Variants in SP140L observed in about 807,000 individuals in gnomAD.
SP140L encodes SP140 like nuclear body protein.
Under a neutral mutation model 84.3 loss-of-function variants are expected in SP140L, and 64 were observed. The ratio of observed to expected loss-of-function variants is 0.76; its 90% confidence interval spans 0.62 to 0.94. The LOEUF is 0.94. Among genes scored for constraint, SP140L ranks in the 40% least tolerant of loss-of-function variants. SP140L has a pLI of 0.00. For missense variants in SP140L, 628 were observed against 692.5 expected (o/e 0.91, Z 1.05); for synonymous variants, 242 against 236.9 (o/e 1.02, Z -0.20).
intron 8 of SP140L, among the ~76,000 whole-genome samples, chr2:230,384,869 G>T (rs2061521880): frequency 6.6e-6 from 1 of 152,124 alleles, no homozygotes; most frequent in Non-Finnish European, 1.5e-5. Context: ...TCAAAATTGT[G>T]CCACTGCACT....
rs555601832 is a variant in SP140L at position 230,381,483 on chromosome 2, T to C, written c.638-2027T>C. On this transcript the variant is annotated intron_variant, in intron 7 of 18. Coordinates refer to ENST00000415673, the MANE Select transcript of SP140L (RefSeq NM_138402.6). ...TTTTTGCTTCTGGCAAATTTCCTCA[T>C]GAAGACACTACCCCATCAGCCACTC... 3.9e-5 allele frequency among the ~76,000 whole-genome samples: 6 copies of C among 152,318 alleles called. No individual in the cohort carries two copies. The South Asian group carries it at 1.0e-3, about 26-fold the overall frequency.
At chr2:230,392,854 T>G (rs1469183301) in intron 12 of SP140L, among the ~76,000 whole-genome samples, 8 of 152,198 alleles carry the variant, frequency 5.3e-5, no homozygotes, top group Non-Finnish European at 2.9e-5. Context: ...CTAGAATGCT[T>G]AGCTCAAATG....
At position 230,403,062 on chromosome 2, in the gene SP140L, C is replaced by A; in HGVS notation, c.*166C>A. ...AAAAGAAATTTGATCATCATGAATC[C>A]CATCCCCAAGAATCTCATCAACCAG... On this transcript the variant is annotated 3_prime_UTR_variant, in exon 19 of 19. Transcript: ENST00000415673. The A allele has an allele frequency of 1.7e-6, 1 of 574,290 alleles. No individual in the cohort carries two copies. Among genetic ancestry groups the A allele is most frequent in the South Asian group, 2.3e-5 (1 of 42,930 alleles). The allele number at this position is 574,290 out of a possible 1,614,324, so 35.6% of individuals were successfully genotyped here.
At chr2:230,357,518 A>T (rs550687358) in intron 2 of SP140L, among the ~76,000 whole-genome samples, 1 of 152,294 alleles carries the variant, frequency 6.6e-6, no homozygotes, top group Admixed American at 6.5e-5. Context: ...TTTATTTTGA[A>T]AAATATTCCA....
At chr2:230,395,905 A>C (rs183791808) in intron 13 of SP140L, among the ~76,000 whole-genome samples, 2 of 152,372 alleles carry the variant, frequency 1.3e-5, no homozygotes, top group Admixed American at 1.3e-4. Context: ...GGAGACTCTC[A>C]GGAAGAAGAG....
chr2:230,385,600 G>T (rs2061549783), intron 9 of SP140L, among the ~76,000 whole-genome samples: 1 of 152,152 alleles, frequency 6.6e-6, no homozygotes, highest in Admixed American at 6.5e-5. Flanking sequence ...CTGGTAAATT[G>T]TAAGCAGAAT....
At chr2:230,340,972 G>A (rs2060024587) in intron 2 of SP140L, among the ~76,000 whole-genome samples, 1 of 138,992 alleles carries the variant, frequency 7.2e-6, no homozygotes, top group Non-Finnish European at 1.6e-5. Context: ...TATGTGTCTT[G>A]GAGTTGCTCT....
intron 2 of SP140L, among the ~76,000 whole-genome samples, chr2:230,355,097 C>T (rs1200188225): frequency 6.6e-6 from 1 of 152,044 alleles, no homozygotes; most frequent in East Asian, 1.9e-4. Context: ...CGTATTTAAA[C>T]TCCTGACCAG....
chr2:230,401,380 C>T lies in SP140L; in HGVS notation c.1437C>T (p.Leu479=). 1 of 1,583,008 alleles carries T rather than the reference C, an allele frequency of 6.3e-7. No individual in the cohort carries two copies. Among genetic ancestry groups the T allele is most frequent in the Non-Finnish European group, 8.6e-7 (1 of 1,166,868 alleles). ...TTCTTTTGCAGAAATGTGAGTTCCT[C>T]CTCTTGAAAGTCTATTGCTGTTCTG... ...CPEEQLKCEF[L]LLKVYCCSES... The change falls in exon 17 of 19, where the codon CTC becomes CTT. Residue 479 remains leucine (L), a synonymous_variant. Coordinates refer to ENST00000415673, the MANE Select transcript of SP140L (RefSeq NM_138402.6).
chr2:230,375,829 G>A (rs2061225889), intron 7 of SP140L, among the ~76,000 whole-genome samples: 1 of 152,002 alleles, frequency 6.6e-6, no homozygotes, highest in Non-Finnish European at 1.5e-5. Flanking sequence ...CAAATACATG[G>A]TTTGCAAATA....
chr2:230,339,147 G>A (rs1279224191), intron 2 of SP140L, among the ~76,000 whole-genome samples: 2 of 151,034 alleles, frequency 1.3e-5, no homozygotes, highest in African/African-American at 4.9e-5. Flanking sequence ...TGGTTGGTAA[G>A]CTATTGATTA....
intron 3 of SP140L, 87 bp downstream of exon 3, chr2:230,358,054 AGAG>A (rs2060603511): frequency 6.7e-7 from 1 of 1,494,542 alleles, no homozygotes; most frequent in African/African-American, 1.4e-5. Flanking sequence ...GTAGAAAAGG[AGAG>A]GAGAAGCAGA....
chr2:230,366,710 CTATTATTATTATTATT>C (rs1383305101), intron 5 of SP140L, among the ~76,000 whole-genome samples: 4 of 144,582 alleles, frequency 2.8e-5, no homozygotes, highest in Admixed American at 1.4e-4. Flanking sequence ...GGATTATTAT[CTATTATTATTATTATT>C]ATTATTATTA....
intron 4 of SP140L, among the ~76,000 whole-genome samples, chr2:230,359,923 TTAAAGTTTGGTATTGGTGCTATACCAAAC>T (rs773258005): frequency 0.07 from 10,571 of 150,766 alleles, 711 homozygotes; most frequent in African/African-American, 0.16. Context: ...CTATACCAAA[TTAAAGTTTGGTATTGGTGCTATACCAAAC>T]TAAAGTTTGG....
At chr2:230,367,509 G>C (rs1251016220) in intron 5 of SP140L, among the ~76,000 whole-genome samples, 4 of 152,006 alleles carry the variant, frequency 2.6e-5, no homozygotes, top group Non-Finnish European at 5.9e-5. Context: ...GACCAGAGTG[G>C]TCTTGAACTC....
chr2:230,345,870 G>T (rs2060194022), intron 2 of SP140L, among the ~76,000 whole-genome samples: 1 of 151,940 alleles, frequency 6.6e-6, no homozygotes. Context: ...TTAAATGTTT[G>T]ATTTTTAATT....
chr2:230,388,547 C>G lies in SP140L; in HGVS notation c.785-12C>G, dbSNP rs1349719447. 1 of 1,595,682 alleles carries G rather than the reference C, an allele frequency of 6.3e-7. No homozygotes were observed. Among genetic ancestry groups the G allele is most frequent in the East Asian group, 2.2e-5 (1 of 44,646 alleles). The stretch of plus-strand genomic sequence containing the variant: ...CATTTGTAACTGTGATTTTATTATT[C>G]TACTTTCTCAGGGAGAAAGAGAGGC... On this transcript the variant is annotated splice_polypyrimidine_tract_variant and intron_variant, in intron 9 of 18. Coordinates refer to ENST00000415673, the MANE Select transcript of SP140L (RefSeq NM_138402.6).
At chr2:230,349,102 A>G (rs906682343) in intron 2 of SP140L, among the ~76,000 whole-genome samples, 7 of 152,220 alleles carry the variant, frequency 4.6e-5, no homozygotes, top group Admixed American at 1.3e-4. Flanking sequence ...GTGTGTATCT[A>G]TGCAATTCTA....
At chr2:230,380,642 C>T (rs1487758077) in intron 7 of SP140L, among the ~76,000 whole-genome samples, 1 of 152,154 alleles carries the variant, frequency 6.6e-6, no homozygotes, top group African/African-American at 2.4e-5. Flanking sequence ...TATATCTCCA[C>T]CCACTACCTA....
Sources: allele counts gnomAD v4.1 joint callset (sites outside exome capture counted in the v4.1 genomes callset), GRCh38; gene constraint gnomAD v4.1.1; transcripts MANE v1.5; gene names NCBI Gene and HGNC (gene_info 2026-07-23, HGNC 2026-07-21).